The following KMT2C variants were observed in gnomAD, a reference collection of about 807,000 sequenced individuals.
KMT2C encodes lysine methyltransferase 2C.
KMT2C carries 88 observed loss-of-function variants against 507.9 expected under a neutral mutation model. The ratio of observed to expected loss-of-function variants is 0.17; its 90% CI spans 0.15 to 0.21. The LOEUF is 0.21. Among genes scored for constraint, KMT2C ranks in the 10% least tolerant of loss-of-function variants. KMT2C has a pLI of 1.00. For missense variants in KMT2C, 4,954 were observed against 5,957.8 expected (o/e 0.83, Z 5.55); for synonymous variants, 2,049 against 2,080.8 (o/e 0.98, Z 0.42).
chr7:152,334,274 G>A (rs2096912515), intron 2 of KMT2C, among the ~76,000 whole-genome samples: 1 of 152,114 alleles, frequency 6.6e-6, no homozygotes, highest in Admixed American at 6.6e-5. Context: ...TCAACATGGA[G>A]AAACCCCATC....
chr7:152,346,399 C>G (rs983766550), intron 2 of KMT2C, among the ~76,000 whole-genome samples: 2 of 152,160 alleles, frequency 1.3e-5, no homozygotes, highest in African/African-American at 4.8e-5. Context: ...CAGATCACGT[C>G]AGAATTCAAC....
At chr7:152,357,170 T>C (rs927100678) in intron 2 of KMT2C, among the ~76,000 whole-genome samples, 2 of 150,062 alleles carry the variant, frequency 1.3e-5, no homozygotes, top group Non-Finnish European at 3.0e-5. Context: ...GAGGTTGCAG[T>C]GAGCCGAGAT....
chr7:152,256,989 AATCCTACTTCTAGGAATT>A (rs1245409161), intron 9 of KMT2C, among the ~76,000 whole-genome samples: 1 of 152,196 alleles, frequency 6.6e-6, no homozygotes, highest in Non-Finnish European at 1.5e-5. Context: ...CTGAGGCAAT[AATCCTACTTCTAGGAATT>A]TACCCTACAG....
intron 3 of KMT2C, among the ~76,000 whole-genome samples, chr7:152,321,896 A>G (rs2096776030): frequency 6.6e-6 from 1 of 151,944 alleles, no homozygotes; most frequent in African/African-American, 2.4e-5. Flanking sequence ...TTCCAATGTC[A>G]ATTTTCACAG....
At chr7:152,296,997 A>AAAGAAAGAAAG (rs2096505748) in intron 6 of KMT2C, among the ~76,000 whole-genome samples, 67 of 59,004 alleles carry the variant, frequency 1.1e-3, no homozygotes, top group African/African-American at 3.5e-3. Context: ...GAAAGAAAGA[A>AAAGAAAGAAAG]AAAGAAAGAA....
rs1040956411 is a variant in KMT2C, at chr7:152,139,398, A to G, written c.14461-139T>C. ...CCTTACTGTGGATATTCTATTAGGC[A>G]CAGATGACATTTACATGGCACGAAT... On this transcript the variant is annotated intron_variant, in intron 56 of 58. Transcript: ENST00000262189. 13 of 741,374 alleles carry G rather than the reference A, an allele frequency of 1.8e-5. No homozygotes were observed. In the East Asian group the frequency reaches 3.4e-4, roughly 19 times the overall value. The allele number at this position is 741,374 out of a possible 1,614,324, so 45.9% of individuals were successfully genotyped here.
rs1356208952 is a variant in KMT2C at position 152,367,046 on chromosome 7, T to A, written c.162-8371A>T. 6.2e-6 allele frequency: 4 copies of A among 642,492 alleles called. No homozygotes were observed. In the Admixed American group the frequency reaches 1.1e-4, roughly 17 times the overall value. 39.8% of individuals were successfully genotyped at this position (642,492 alleles called of 1,614,324 possible). A position where few individuals can be genotyped will look rare whatever the true frequency, so the allele number is the denominator to read the frequency against. On this transcript the variant is annotated intron_variant, in intron 1 of 58. Coordinates refer to ENST00000262189, the MANE Select transcript of KMT2C (RefSeq NM_170606.3). ...CTCTTGCTCTTGCGGAATCCACAGG[T>A]CTTTCTTGAAGAAATCTGTAGTCAG...
At chr7:152,282,527 C>T (rs1588883618) in intron 6 of KMT2C, among the ~76,000 whole-genome samples, 1 of 152,174 alleles carries the variant, frequency 6.6e-6, no homozygotes, top group Admixed American at 6.5e-5. Flanking sequence ...CTGGAAGGAA[C>T]AATTTGGATT....
intron 6 of KMT2C, among the ~76,000 whole-genome samples, chr7:152,278,298 T>C (rs1008576064): frequency 5.9e-5 from 9 of 152,112 alleles, no homozygotes; most frequent in Admixed American, 3.3e-4. Flanking sequence ...TTTATTTTTT[T>C]GAGACAGAGT....
At chr7:152,271,758 G>T (rs2095977881) in intron 7 of KMT2C, among the ~76,000 whole-genome samples, 1 of 151,432 alleles carries the variant, frequency 6.6e-6, no homozygotes, top group African/African-American at 2.4e-5. Context: ...TAGTTTGAAG[G>T]CTGCTATAAG....
rs768551739 is a variant in KMT2C, at chr7:152,148,416, G to A, written c.13511C>T (p.Pro4504Leu). 2 of 1,614,212 alleles carry A rather than the reference G, an allele frequency of 1.2e-6. No homozygotes were observed. The highest frequency in any genetic ancestry group is 2.2e-5 in the South Asian group (2 of 91,084). The change falls in exon 52 of 59, where the codon CCC (proline) becomes CTC (leucine). Residue 4504 changes from proline to leucine, a missense_variant. By Grantham distance (98) the Pro-to-Leu change is moderately conservative. Around this residue, in one of 29 missense-constraint regions of KMT2C, gnomAD observed 221 missense variants for 304.7 expected, o/e 0.73. Transcript: ENST00000262189. The surrounding 1 kb of genome is among the most constrained non-coding windows in gnomAD (Gnocchi z 7.1). ...ATGAATTCCCTTTGGTTTGTGCATG[G>A]GGCAAAGCATAGTTTTGTCCTTAAA... ...MFFKDKTMLC[P>L]MHKPKGIHEQ...
intron 2 of KMT2C, among the ~76,000 whole-genome samples, chr7:152,332,000 A>C (rs1389227452): frequency 6.6e-6 from 1 of 152,192 alleles, no homozygotes; most frequent in African/African-American, 2.4e-5. Flanking sequence ...GAACAAATGT[A>C]TTTCAAAGTG....
At chr7:152,412,929 G>C (rs2097697839) in intron 1 of KMT2C, among the ~76,000 whole-genome samples, 1 of 151,820 alleles carries the variant, frequency 6.6e-6, no homozygotes, top group Non-Finnish European at 1.5e-5. Context: ...AATGATATAG[G>C]AATCCCACTA....
intron 14 of KMT2C, among the ~76,000 whole-genome samples, chr7:152,239,620 T>C (rs2129158384): frequency 6.6e-6 from 1 of 152,308 alleles, no homozygotes; most frequent in Middle Eastern, 3.4e-3. Flanking sequence ...AGCATTTTAC[T>C]TCCAAACAAC....
chr7:152,160,826 G>A (rs1190681560), intron 43 of KMT2C, among the ~76,000 whole-genome samples: 4 of 151,834 alleles, frequency 2.6e-5, no homozygotes, highest in Non-Finnish European at 5.9e-5. Context: ...TGTAGTCTAC[G>A]TCCTTCAAGG....
intron 1 of KMT2C, among the ~76,000 whole-genome samples, chr7:152,432,021 G>A (rs994197307): frequency 2.0e-5 from 3 of 152,132 alleles, no homozygotes; most frequent in Non-Finnish European, 2.9e-5. Flanking sequence ...ATTTTTGCTG[G>A]TCCTTGTAAT....
intron 1 of KMT2C, among the ~76,000 whole-genome samples, chr7:152,432,183 T>TA (rs756025478): frequency 1.3e-3 from 196 of 152,300 alleles, no homozygotes; most frequent in Non-Finnish European, 2.1e-3. Context: ...ATCCTATACC[T>TA]ACCACCTGCT....
intron 6 of KMT2C, among the ~76,000 whole-genome samples, chr7:152,304,265 A>T (rs1684817691): frequency 6.6e-6 from 1 of 152,186 alleles, no homozygotes; most frequent in Non-Finnish European, 1.5e-5. Flanking sequence ...ATCTAATTAG[A>T]AGTAGTACAT....
chr7:152,274,709 A>T (rs2096049432), intron 6 of KMT2C, among the ~76,000 whole-genome samples: 6 of 152,196 alleles, frequency 3.9e-5, no homozygotes, highest in Admixed American at 3.9e-4. Context: ...ATACAGTATG[A>T]CATCTCTCTG....
Sources: gnomAD v4.1 joint callset for allele counts (sites outside exome capture counted in the v4.1 genomes callset) on GRCh38, gnomAD v4.1.1 for gene constraint, gnomAD v4.1.1 regional missense constraint, Gnocchi (gnomAD v3.1) non-coding constraint, MANE v1.5 for transcripts, NCBI Gene and HGNC (gene_info 2026-07-23, HGNC 2026-07-21) for gene names.